CLRN2: variants seen among roughly 807,000 people sequenced by gnomAD.
CLRN2 encodes clarin 2, also known as clarin-2.
In CLRN2, 17 loss-of-function variants were observed where a neutral mutation model predicts 20.1. That is an observed-to-expected ratio of 0.85 (90% CI 0.58 to 1.27). The LOEUF (loss-of-function observed/expected upper bound fraction) is 1.27, where lower values mean the gene tolerates loss of function less well. CLRN2 is among the 50% of genes most tolerant of loss of function. CLRN2 has a pLI of 0.00. For synonymous variants in CLRN2, 140 were observed against 126.9 expected (o/e 1.10, Z -0.70); for missense variants, 288 against 299.5 (o/e 0.96, Z 0.28).
intron 1 of CLRN2, among the ~76,000 whole-genome samples, chr4:17,520,926 G>A (rs1711825065): frequency 6.6e-6 from 1 of 152,172 alleles, no homozygotes; most frequent in Non-Finnish European, 1.5e-5. Context: ...GCTGAGGCAT[G>A]AGAATTGCTT....
At chr4:17,515,785 A>G (rs1361532856) in intron 1 of CLRN2, among the ~76,000 whole-genome samples, 3 of 152,346 alleles carry the variant, frequency 2.0e-5, no homozygotes, top group East Asian at 1.9e-4. Context: ...AATTATGACT[A>G]TTAAAATATT....
intron 1 of CLRN2, among the ~76,000 whole-genome samples, 181 bp downstream of exon 1, chr4:17,515,700 C>T (rs1234010562): frequency 6.6e-6 from 1 of 152,272 alleles, no homozygotes; most frequent in Non-Finnish European, 1.5e-5. Flanking sequence ...TTCCTTGCTT[C>T]CTTTTCTTTT....
intron 1 of CLRN2, among the ~76,000 whole-genome samples, chr4:17,519,468 G>A (rs1402008882): frequency 3.3e-5 from 5 of 152,192 alleles, no homozygotes; most frequent in African/African-American, 4.8e-5. Context: ...GCGTAGCTAA[G>A]CTATTTCACT....
At position 17,515,175 on chromosome 4, in the gene CLRN2, G is replaced by T; in HGVS notation, c.-92G>T. The T allele has an allele frequency of 6.7e-7, 1 of 1,498,678 alleles. No homozygotes were observed. The highest frequency in any genetic ancestry group is 1.3e-5 in the South Asian group (1 of 78,234). The allele number at this position is 1,498,678 out of a possible 1,614,324, so 92.8% of individuals were successfully genotyped here. On this transcript the variant is annotated 5_prime_UTR_variant, in exon 1 of 3. Transcript: ENST00000511148. ...TTGAAACAGAGTGTTTGGAAGAGCT[G>T]ACCTTGGAGCAGAGCATTGCCGAGT...
chr4:17,516,063 TC>T (rs1268214658), intron 1 of CLRN2, among the ~76,000 whole-genome samples: 2 of 152,180 alleles, frequency 1.3e-5, no homozygotes, highest in Non-Finnish European at 2.9e-5. Context: ...CCTTTCCACA[TC>T]TACTTTTGTA....
chr4:17,516,796 G>A (rs1160835157), intron 1 of CLRN2, among the ~76,000 whole-genome samples: 3 of 152,198 alleles, frequency 2.0e-5, no homozygotes, highest in African/African-American at 7.2e-5. Context: ...ACTCGATTCT[G>A]AACTAGATGC....
rs56176856 is a variant in CLRN2 at position 17,518,092 on chromosome 4, G to C, written c.253+2573G>C. The stretch of plus-strand genomic sequence containing the variant: ...AAAAAAAATAATCCCCACAGTCGCA[G>C]ATCAGTGTAGATGGGGACGTAAGTG... On this transcript the variant is annotated intron_variant, in intron 1 of 2. Transcript: ENST00000511148. Among the ~76,000 whole-genome samples the C allele has an allele frequency of 2.0e-3, 302 of 151,628 alleles. 1 individual carries two copies. The highest frequency in any genetic ancestry group is 6.5e-3 in the African/African-American group (270 of 41,352).
intron 1 of CLRN2, among the ~76,000 whole-genome samples, chr4:17,522,617 A>T (rs1243771330): frequency 6.6e-6 from 1 of 152,178 alleles, no homozygotes; most frequent in Non-Finnish European, 1.5e-5. Context: ...TGCAACTTAA[A>T]TTGACAGCCA....
chr4:17,524,009 A>C (rs968949141), intron 2 of CLRN2, among the ~76,000 whole-genome samples: 1 of 151,738 alleles, frequency 6.6e-6, no homozygotes, highest in Non-Finnish European at 1.5e-5. Context: ...CCACATCCCT[A>C]TGGGAGGTAT....
chr4:17,526,837 A>ATCGCCAGCT lies in CLRN2; in HGVS notation c.458_466dup (p.Ala153_Phe155dup). On this transcript the variant is annotated inframe_insertion, in exon 3 of 3. Coordinates refer to ENST00000511148, the MANE Select transcript of CLRN2 (RefSeq NM_001079827.2). ...TTCAGGCGGCGTCGTGGCGTTAGCC[A>ATCGCCAGCT]TCGCCAGCTTCGTGGCTGCGGTGAA... 6.2e-7 allele frequency: 1 copy of ATCGCCAGCT among 1,614,050 alleles called. No individual in the cohort carries two copies. The highest frequency in any genetic ancestry group is 1.3e-5 in the African/African-American group (1 of 75,072).
At chr4:17,517,808 G>T (rs77576967) in intron 1 of CLRN2, among the ~76,000 whole-genome samples, 1 of 152,112 alleles carries the variant, frequency 6.6e-6, no homozygotes, top group Non-Finnish European at 1.5e-5. Flanking sequence ...ACATCCATTC[G>T]CAGTACCTTG....
chr4:17,518,074 AT>A (rs1414728116), intron 1 of CLRN2, among the ~76,000 whole-genome samples: 62 of 141,448 alleles, frequency 4.4e-4, no homozygotes, highest in African/African-American at 1.4e-3. Context: ...AAAAAAAAAA[AT>A]AATCCCCACA....
At chr4:17,517,103 G>T (rs1369923339) in intron 1 of CLRN2, among the ~76,000 whole-genome samples, 1 of 152,206 alleles carries the variant, frequency 6.6e-6, no homozygotes, top group African/African-American at 2.4e-5. Flanking sequence ...CATACAGTGA[G>T]CTGGGACAAA....
Position 17,520,907 on chromosome 4 carries a change from A to G in CLRN2, c.254-1957A>G, listed in dbSNP as rs145015837. ...GAGGCGGGTGCCTGTAATCCCAGCT[A>G]TTGGAAAGGCTGAGGCATGAGAATT... is the stretch of plus-strand genomic sequence containing the variant. On this transcript the variant is annotated intron_variant, in intron 1 of 2. Transcript: ENST00000511148. Among the ~76,000 whole-genome samples, 735 of 152,262 alleles carry G rather than the reference A, an allele frequency of 4.8e-3. 3 individuals are homozygous for G. Among genetic ancestry groups the G allele is most frequent in the African/African-American group, 0.017 (686 of 41,544 alleles).
In CLRN2 at chr4:17,526,887, C is replaced by T. The variant is rs985446427; in HGVS notation, c.504C>T (p.Ile168=). 3.1e-6 allele frequency: 5 copies of T among 1,613,870 alleles called. No homozygotes were observed. The African/African-American group carries it at 6.7e-5, about 22-fold the overall frequency. The part of the protein sequence containing the change: ...AVKFHDLTER[I]ANFQEKLFQF... ...AATTTCACGACCTGACGGAACGAAT[C>T]GCCAACTTTCAGGAGAAGCTCTTCC... Residue 168 remains isoleucine, a synonymous_variant, in exon 3 of 3, where the codon ATC becomes ATT. Coordinates refer to ENST00000511148, the MANE Select transcript of CLRN2 (RefSeq NM_001079827.2).
rs372658097 is a variant in CLRN2, at chr4:17,515,411, G to A, written c.145G>A (p.Ala49Thr). 3.3e-5 allele frequency: 54 copies of A among 1,613,938 alleles called. No homozygotes were observed. In the African/African-American group the frequency reaches 3.5e-4, roughly 10 times the overall value. ...TCAGACTGGAGTGGATCTGGTCAAC[G>A]CCACAGACAGAGAGCTGGTCAAGTT... ...LCQTGVDLVN[A>T]TDRELVKFIG... Residue 49 changes from alanine to threonine, a missense_variant, in exon 1 of 3, where the codon GCC (alanine) becomes ACC (threonine). Transcript: ENST00000511148.
chr4:17,523,891 A>G (rs537814375), intron 2 of CLRN2, among the ~76,000 whole-genome samples: 1 of 150,776 alleles, frequency 6.6e-6, no homozygotes, highest in African/African-American at 2.4e-5. Context: ...CACCTCCCCA[A>G]CACCTTCACT....
rs1711796022 is a variant in CLRN2 at position 17,519,962 on chromosome 4, G to A, written c.254-2902G>A. Among the ~76,000 whole-genome samples, 4 of 151,962 alleles carry A rather than the reference G, an allele frequency of 2.6e-5. No individual in the cohort carries two copies. The South Asian group carries it at 8.3e-4, about 32-fold the overall frequency. On this transcript the variant is annotated intron_variant, in intron 1 of 2. Transcript: ENST00000511148. Reference sequence around the variant, plus strand: ...AGCCTCAAGCAATCCCCCCATAATGGCTCCCAGAAGTGCTGGGATTACAGG... The same window carrying A: ...AGCCTCAAGCAATCCCCCCATAATGACTCCCAGAAGTGCTGGGATTACAGG...
Position 17,515,366 on chromosome 4 carries a change from C to T in CLRN2, c.100C>T (p.Leu34=), listed in dbSNP as rs537473851. ...IIVALVVPHW[L]SGKILCQTGV... is the part of the protein sequence containing the mutation. ...CGTTGCCCTGGTAGTGCCCCACTGGCTGAGTGGGAAAATCCTTTGTCAGAC... is the reference window on the plus strand; with the variant it reads ...CGTTGCCCTGGTAGTGCCCCACTGGTTGAGTGGGAAAATCCTTTGTCAGAC... The change falls in exon 1 of 3, where the codon CTG becomes TTG. Residue 34 remains leucine, a synonymous_variant. Transcript: ENST00000511148. 6.2e-7 allele frequency: 1 copy of T among 1,613,990 alleles called. No individual in the cohort carries two copies. The highest frequency in any genetic ancestry group is 8.5e-7 in the Non-Finnish European group (1 of 1,179,894).
Sources: gnomAD v4.1 joint callset for allele counts (sites outside exome capture counted in the v4.1 genomes callset) on GRCh38, gnomAD v4.1.1 for gene constraint, MANE v1.5 for transcripts, NCBI Gene and HGNC (gene_info 2026-07-23, HGNC 2026-07-21) for gene names.